The following SPARC variants were observed in gnomAD, a reference collection of about 807,000 sequenced individuals.
SPARC encodes the protein basement-membrane protein 40.
A neutral mutation model predicts 37.7 loss-of-function variants in SPARC; 23 were observed. The ratio of observed to expected loss-of-function variants is 0.61; its 90% CI spans 0.44 to 0.87. The LOEUF (loss-of-function observed/expected upper bound fraction) is 0.87. SPARC is among the 40% of genes least tolerant of loss of function. The pLI is 0.00. For missense variants in SPARC, 312 were observed against 389.0 expected (o/e 0.80, Z 1.66); for synonymous variants, 155 against 150.8 (o/e 1.03, Z -0.20).
intron 6 of SPARC, 54 bp from the exon 7 acceptor site, chr5:151,667,654 C>G (rs1214546127): frequency 6.3e-7 from 1 of 1,578,732 alleles, no homozygotes; most frequent in African/African-American, 1.4e-5. Flanking sequence ...GCCGTGCTCC[C>G]CACCCCAGGC....
At chr5:151,669,348 C>G (rs1340182157) in intron 6 of SPARC, among the ~76,000 whole-genome samples, 1 of 152,174 alleles carries the variant, frequency 6.6e-6, no homozygotes, top group Admixed American at 6.5e-5. Context: ...TCAACTTAGC[C>G]TGAGAGAAGA....
At chr5:151,668,404 C>T (rs544625420) in intron 6 of SPARC, among the ~76,000 whole-genome samples, 12 of 152,296 alleles carry the variant, frequency 7.9e-5, no homozygotes, top group African/African-American at 2.6e-4. Flanking sequence ...CCTCCCTACT[C>T]GGCCTCCCAA....
intron 1 of SPARC, among the ~76,000 whole-genome samples, chr5:151,681,178 G>A (rs1433074170): frequency 1.3e-5 from 2 of 152,216 alleles, no homozygotes; most frequent in African/African-American, 4.8e-5. Context: ...GAAGCCAAGA[G>A]CCAGGCCCTC....
intron 4 of SPARC, 97 bp downstream of exon 4, chr5:151,673,032 T>A (rs777114809): frequency 2.3e-4 from 198 of 852,502 alleles, no homozygotes; most frequent in Non-Finnish European, 3.9e-4. Flanking sequence ...CACCCTGCAT[T>A]TCTGCTGGAA....
In SPARC at chr5:151,669,714, C is replaced by T; in HGVS notation, c.401G>A (p.Gly134Asp). The change falls in exon 6 of 10, where the codon GGC becomes GAC. Residue 134 changes from glycine (G) to aspartate (D), a missense_variant. By Grantham distance (94) the Gly-to-Asp change is moderately conservative (BLOSUM62 -1). Coordinates refer to ENST00000231061, the MANE Select transcript of SPARC (RefSeq NM_003118.4). ...HFFATKCTLE[G>D]TKKGHKLHLD... is the part of the protein sequence containing the mutation. ...GTGGAGCTTGTGGCCCTTCTTGGTGCCCTCCAGGGTGCACTTTGTGGCAAA... is the reference window on the plus strand; with the variant it reads ...GTGGAGCTTGTGGCCCTTCTTGGTGTCCTCCAGGGTGCACTTTGTGGCAAA... 2 of 1,614,124 alleles carry T rather than the reference C, an allele frequency of 1.2e-6. No individual in the cohort carries two copies. The highest frequency in any genetic ancestry group is 1.7e-6 in the Non-Finnish European group (2 of 1,180,008).
At chr5:151,667,338 G>C (rs568814220) in intron 7 of SPARC, 129 bp downstream of exon 7, 1 of 976,024 alleles carries the variant, frequency 1.0e-6, no homozygotes, top group Admixed American at 1.9e-5. Context: ...AGAGAAGTAC[G>C]TGTCCTGGTG....
rs1760749085 is a variant in SPARC, at chr5:151,671,580, A to T, written c.323T>A (p.Phe108Tyr). 1 of 1,573,954 alleles carries T rather than the reference A, an allele frequency of 6.4e-7. No individual in the cohort carries two copies. Among genetic ancestry groups the T allele is most frequent in the African/African-American group, 1.4e-5 (1 of 73,144 alleles). ...CTGTCTCTCAGCCCTCACCTTCTCA[A>T]ACTCGCCAATGGGGGCTGGGCAGCT... ...PTSCPAPIGE[F>Y]EKVCSNDNKT... Residue 108 changes from phenylalanine (F) to tyrosine (Y), a missense_variant, in exon 5 of 10, where the codon TTT becomes TAT. Phe to Tyr is a conservative substitution (Grantham distance 22). Transcript: ENST00000231061.
intron 7 of SPARC, 89 bp from the exon 8 acceptor site, chr5:151,666,598 C>T (rs1760628644): frequency 1.4e-5 from 18 of 1,245,562 alleles, no homozygotes; most frequent in Admixed American, 2.0e-5. Flanking sequence ...AAGGCCAGAG[C>T]AGGCAGAGAC....
chr5:151,669,914 A>G lies in SPARC; in HGVS notation c.331-130T>C, dbSNP rs889465975. On this transcript the variant is annotated intron_variant, in intron 5 of 9. Coordinates refer to ENST00000231061, the MANE Select transcript of SPARC (RefSeq NM_003118.4). ...GAATGTCATTAGCCTGAGGTCATAT[A>G]GTGAGTTAGTGATAGGGCTGGGCCA... 46 of 1,279,488 alleles carry G rather than the reference A, an allele frequency of 3.6e-5. 1 individual carries two copies. In the South Asian group the frequency reaches 6.3e-4, roughly 17 times the overall value. The allele number at this position is 1,279,488 out of a possible 1,614,324, so 79.3% of individuals were successfully genotyped here. A position where few individuals can be genotyped will look rare whatever the true frequency, so the allele number is the denominator to read the frequency against.
chr5:151,674,610 A>G lies in SPARC; in HGVS notation c.120+2T>C. Reference sequence around the variant, plus strand: ...AAGGGGCTGCGGTCACTGCCCACATACCTCAGTCACCTCTGCCACAGTTTC... The same window carrying G: ...AAGGGGCTGCGGTCACTGCCCACATGCCTCAGTCACCTCTGCCACAGTTTC... On this transcript the variant is annotated splice_donor_variant, in intron 3 of 9. Coordinates refer to ENST00000231061, the MANE Select transcript of SPARC (RefSeq NM_003118.4). LOFTEE classifies it high-confidence loss of function. 6.2e-7 allele frequency: 1 copy of G among 1,613,856 alleles called. No homozygotes were observed. Among genetic ancestry groups the G allele is most frequent in the East Asian group, 2.2e-5 (1 of 44,872 alleles).
In SPARC at chr5:151,673,125, A is replaced by G. The variant is rs1317989059; in HGVS notation, c.208+4T>C. On this transcript the variant is annotated splice_donor_region_variant and intron_variant, in intron 4 of 9. Transcript: ENST00000231061. ...ATGTGCCAAGTTACAGGGAAGGGAC[A>G]TACTTTCCGCCACCACCTCCTCTTC... The G allele has an allele frequency of 6.2e-7, 1 of 1,611,158 alleles. No individual in the cohort carries two copies. Among genetic ancestry groups the G allele is most frequent in the East Asian group, 2.2e-5 (1 of 44,882 alleles).
rs796431779 is a variant in SPARC, at chr5:151,663,496, C to A, written c.*75G>T. ...TCTCCAGGCAGAACAACAAACCATC[C>A]AAACATTTTAAACATTGGGGGAAAC... is the stretch of plus-strand genomic sequence containing the variant. On this transcript the variant is annotated 3_prime_UTR_variant, in exon 10 of 10. Transcript: ENST00000231061. 1 of 1,425,206 alleles carries A rather than the reference C, an allele frequency of 7.0e-7. No homozygotes were observed. Among genetic ancestry groups the A allele is most frequent in the South Asian group, 1.2e-5 (1 of 86,214 alleles). The allele number at this position is 1,425,206 out of a possible 1,614,324, so 88.3% of individuals were successfully genotyped here. A position where few individuals can be genotyped will look rare whatever the true frequency, so the allele number is the denominator to read the frequency against.
At chr5:151,684,794 T>C (rs1247612674) in intron 1 of SPARC, among the ~76,000 whole-genome samples, 1 of 152,070 alleles carries the variant, frequency 6.6e-6, no homozygotes, top group South Asian at 2.1e-4. Flanking sequence ...TCTTTAACTG[T>C]AGAGGGAATG....
At chr5:151,669,822 C>A in intron 5 of SPARC, 38 bp from the exon 6 acceptor site, 1 of 1,611,904 alleles carries the variant, frequency 6.2e-7, no homozygotes, top group Non-Finnish European at 8.5e-7. Context: ...CCTTCATTCC[C>A]AAAGCCCTTC....
At chr5:151,674,549 A>G in intron 3 of SPARC, 63 bp downstream of exon 3, 1 of 1,496,028 alleles carries the variant, frequency 6.7e-7, no homozygotes, top group Non-Finnish European at 9.3e-7. Flanking sequence ...CATCCGCCCT[A>G]ATTTCTCAGG....
At chr5:151,685,422 T>TCACACACACACACTCACACA in intron 1 of SPARC, among the ~76,000 whole-genome samples, 1 of 140,522 alleles carries the variant, frequency 7.1e-6, no homozygotes, top group African/African-American at 2.7e-5. Flanking sequence ...CCTCTCTCTC[T>TCACACACACACACTCACACA]CACACACACA....
chr5:151,685,270 G>A (rs1452766645), intron 1 of SPARC: 1 of 152,008 alleles, frequency 6.6e-6, no homozygotes, highest in Non-Finnish European at 1.5e-5. Context: ...TCCCTTTTCA[G>A]AAGGCTTCAT....
rs1430179877 is a variant in SPARC at position 151,664,158 on chromosome 5, TCGAAAAAG to T, written c.804_811del (p.Phe269AspfsTer3). The T allele has an allele frequency of 6.2e-7, 1 of 1,614,072 alleles. No homozygotes were observed. The highest frequency in any genetic ancestry group is 8.5e-7 in the Non-Finnish European group (1 of 1,180,012). On this transcript the variant is annotated frameshift_variant, in exon 9 of 10. Coordinates refer to ENST00000231061, the MANE Select transcript of SPARC (RefSeq NM_003118.4). LOFTEE classifies it high-confidence loss of function. Reference sequence around the variant, plus strand: ...CTTGTCATTGTCCAGGTCACAGGTCTCGAAAAAGCGGGTGGTGCAATGCTCCATGGGGA... The same window carrying T: ...CTTGTCATTGTCCAGGTCACAGGTCTCGGGTGGTGCAATGCTCCATGGGGA...
intron 1 of SPARC, among the ~76,000 whole-genome samples, chr5:151,684,604 G>GAAAAAA (rs746262776): frequency 8.9e-6 from 1 of 112,820 alleles, no homozygotes; most frequent in African/African-American, 3.4e-5. Context: ...GAGCTGCCAG[G>GAAAAAA]AAAAAAAAAA....
Sources: allele counts gnomAD v4.1 joint callset (sites outside exome capture counted in the v4.1 genomes callset), GRCh38; gene constraint gnomAD v4.1.1; transcripts MANE v1.5; gene names NCBI Gene and HGNC (gene_info 2026-07-23, HGNC 2026-07-21).